PID1: variants seen among roughly 807,000 people sequenced by gnomAD.
The protein encoded by PID1 is PTB-containing, cubilin and LRP1-interacting protein.
Under a neutral mutation model 19.1 loss-of-function variants are expected in PID1, and 10 were observed. That is an observed-to-expected ratio of 0.52 (90% CI 0.32 to 0.89). The LOEUF (loss-of-function observed/expected upper bound fraction) is 0.89, where lower values mean the gene tolerates loss of function less well. PID1 is among the 40% of genes least tolerant of loss of function. The pLI is 0.03. For synonymous variants in PID1, 130 were observed against 116.0 expected, an observed-to-expected ratio of 1.12 and a Z score of -0.78; for missense variants, 248 against 285.3, an observed-to-expected ratio of 0.87 and a Z score of 0.94.
rs3083856 is a variant in PID1, at chr2:229,113,596, A to ATG, written c.177+42220_177+42221dup. The stretch of plus-strand genomic sequence containing the variant: ...TATGTGTGTATGTGTGTATGCATAT[A>ATG]TGTGTGTGTGTGTGTGTGTGTGTGT... On this transcript the variant is annotated intron_variant, in intron 2 of 2. Coordinates refer to ENST00000392055, the MANE Select transcript of PID1 (RefSeq NM_001100818.2). Among the ~76,000 whole-genome samples, 458 of 142,024 alleles carry ATG rather than the reference A, an allele frequency of 3.2e-3. 2 individuals carry two copies. The highest frequency in any genetic ancestry group is 5.8e-3 in the African/African-American group (221 of 38,284). The allele number at this position is 142,024 out of a possible 152,430, so 93.2% of individuals were successfully genotyped here.
chr2:229,093,153 G>C (rs748352112), intron 2 of PID1, among the ~76,000 whole-genome samples: 1 of 137,892 alleles, frequency 7.3e-6, no homozygotes, highest in Non-Finnish European at 1.5e-5. Context: ...TTTTTTTTGA[G>C]ATGGAGTCTC....
chr2:229,258,663 C>A (rs1690369705), intron 1 of PID1, among the ~76,000 whole-genome samples: 3 of 152,078 alleles, frequency 2.0e-5, no homozygotes, highest in Non-Finnish European at 4.4e-5. Flanking sequence ...AGATGTTGAT[C>A]CTGGCTAACA....
chr2:229,055,643 A>G (rs1274655284), intron 2 of PID1, among the ~76,000 whole-genome samples: 1 of 152,212 alleles, frequency 6.6e-6, no homozygotes, highest in Non-Finnish European at 1.5e-5. Flanking sequence ...TTGGTTTGAT[A>G]CACTAAATAC....
intron 1 of PID1, among the ~76,000 whole-genome samples, chr2:229,270,629 T>C (rs1013063671): frequency 2.3e-5 from 3 of 131,906 alleles, no homozygotes; most frequent in Non-Finnish European, 4.8e-5. Context: ...TTGTTCTGTC[T>C]TTCCTGGTGA....
At position 229,024,563 on chromosome 2, in the gene PID1, T is replaced by C. The variant is rs1277124141; in HGVS notation, c.*1069A>G. 2 of 152,656 alleles carry C rather than the reference T, an allele frequency of 1.3e-5. No individual in the cohort carries two copies. Among genetic ancestry groups the C allele is most frequent in the Non-Finnish European group, 2.9e-5 (2 of 68,040 alleles). The allele number at this position is 152,656 out of a possible 1,614,324, so 9.5% of individuals were successfully genotyped here. ...TTTAGGTTAAGATGACATGGGTCTC[T>C]AGACAAGCCAAGTTTATCTAACTCA... On this transcript the variant is annotated 3_prime_UTR_variant, in exon 3 of 3. Transcript: ENST00000392055.
intron 1 of PID1, among the ~76,000 whole-genome samples, chr2:229,245,614 C>T (rs1030047818): frequency 1.3e-5 from 2 of 152,098 alleles, no homozygotes; most frequent in African/African-American, 4.8e-5. Context: ...GGCAGCTATG[C>T]CACACCTTTT....
At chr2:229,225,213 C>T (rs973916232) in intron 1 of PID1, among the ~76,000 whole-genome samples, 2 of 152,136 alleles carry the variant, frequency 1.3e-5, no homozygotes, top group African/African-American at 4.8e-5. Context: ...CTTCCCTGAG[C>T]TTCAGTCTTC....
At chr2:229,115,469 A>G (rs551568216) in intron 2 of PID1, among the ~76,000 whole-genome samples, 1 of 152,066 alleles carries the variant, frequency 6.6e-6, no homozygotes, top group South Asian at 2.1e-4. Context: ...AGAAAAACAA[A>G]AGAAGAAGAA....
chr2:229,088,864 C>G (rs1370721185), intron 2 of PID1, among the ~76,000 whole-genome samples: 1 of 152,154 alleles, frequency 6.6e-6, no homozygotes, highest in African/African-American at 2.4e-5. Context: ...TGTCCAGGTT[C>G]TCCTCTGTTT....
chr2:229,189,181 G>C (rs1186602051), intron 1 of PID1, among the ~76,000 whole-genome samples: 1 of 152,182 alleles, frequency 6.6e-6, no homozygotes, highest in African/African-American at 2.4e-5. Context: ...TCAGTCAAGG[G>C]CAGGTAGAGG....
Position 229,120,602 on chromosome 2 carries a change from T to TAATATCTATATTATATATAGATATATAC in PID1, c.177+35188_177+35215dup, listed in dbSNP as rs1450930456. Among the ~76,000 whole-genome samples, 5 of 148,866 alleles carry TAATATCTATATTATATATAGATATATAC rather than the reference T, an allele frequency of 3.4e-5. No individual in the cohort carries two copies. In the East Asian group the frequency reaches 5.8e-4, roughly 17 times the overall value. ...TTCAAGGGTCAACTGTGTATATATA[T>TAATATCTATATTATATATAGATATATAC]AATATCTATATTATATATAGATATA... On this transcript the variant is annotated intron_variant, in intron 2 of 2. Transcript: ENST00000392055.
chr2:229,179,971 C>A (rs1347376042), intron 1 of PID1, among the ~76,000 whole-genome samples: 1 of 152,188 alleles, frequency 6.6e-6, no homozygotes, highest in African/African-American at 2.4e-5. Context: ...ATCCCCCACC[C>A]AGCACAAGAC....
At chr2:229,031,437 GT>G (rs1160275527) in intron 2 of PID1, among the ~76,000 whole-genome samples, 1 of 151,716 alleles carries the variant, frequency 6.6e-6, no homozygotes, top group Non-Finnish European at 1.5e-5. Flanking sequence ...CACGCCTGTA[GT>G]CCCAGCTACT....
chr2:229,062,344 C>A (rs919841529), intron 2 of PID1, among the ~76,000 whole-genome samples: 1 of 151,850 alleles, frequency 6.6e-6, no homozygotes, highest in African/African-American at 2.4e-5. Flanking sequence ...AGAAGATGAT[C>A]TTATGGCTTT....
At chr2:229,216,993 A>T (rs1399578433) in intron 1 of PID1, among the ~76,000 whole-genome samples, 1 of 152,250 alleles carries the variant, frequency 6.6e-6, no homozygotes, top group Non-Finnish European at 1.5e-5. Flanking sequence ...TGAAATGTAC[A>T]CATCTCAAGT....
chr2:229,177,850 G>A (rs889928382), intron 1 of PID1, among the ~76,000 whole-genome samples: 3 of 152,118 alleles, frequency 2.0e-5, no homozygotes, highest in Non-Finnish European at 1.5e-5. Flanking sequence ...AATGCTCTGA[G>A]GTAGGAACTA....
At chr2:229,162,459 C>T (rs1005531006) in intron 1 of PID1, among the ~76,000 whole-genome samples, 11 of 152,196 alleles carry the variant, frequency 7.2e-5, no homozygotes, top group South Asian at 2.1e-4. Flanking sequence ...AGAGGGAAGG[C>T]ATTAAGATTT....
intron 1 of PID1, among the ~76,000 whole-genome samples, chr2:229,247,487 C>T (rs566552594): frequency 2.6e-5 from 4 of 152,254 alleles, no homozygotes; most frequent in South Asian, 4.2e-4. Context: ...GTAGGACTAG[C>T]GCAAGTGAAC....
intron 2 of PID1, among the ~76,000 whole-genome samples, chr2:229,083,359 C>A (rs1694704673): frequency 1.3e-5 from 2 of 152,176 alleles, no homozygotes; most frequent in Admixed American, 6.5e-5. Context: ...TGCTACAATT[C>A]ATCACTGCCC....
Sources: allele counts gnomAD v4.1 joint callset (sites outside exome capture counted in the v4.1 genomes callset), GRCh38; gene constraint gnomAD v4.1.1; transcripts MANE v1.5; gene names NCBI Gene and HGNC (gene_info 2026-07-23, HGNC 2026-07-21).